The following CACNA1C variants were observed in gnomAD, a reference collection of about 807,000 sequenced individuals.
The protein encoded by CACNA1C is voltage-dependent L-type calcium channel subunit alpha-1C.
In CACNA1C, 30 loss-of-function variants were observed where a neutral mutation model predicts 229.0. That is an observed-to-expected ratio of 0.13 (90% CI 0.10 to 0.18). CACNA1C has a LOEUF of 0.18. Ranked by LOEUF, CACNA1C falls within the 10% of genes least tolerant of loss-of-function variation. The pLI, the probability that CACNA1C is intolerant of heterozygous loss-of-function variation, is 1.00. For synonymous variants in CACNA1C, 1,114 were observed against 1,132.5 expected (o/e 0.98, Z 0.33); for missense variants, 1,658 against 2,845.0 (o/e 0.58, Z 9.49).
At chr12:2,041,554 G>T (rs146923810) in intron 1 of CACNA1C, among the ~76,000 whole-genome samples, 3 of 152,106 alleles carry the variant, frequency 2.0e-5, no homozygotes, top group African/African-American at 7.2e-5. Context: ...GGGATTACAG[G>T]CATGAGCCAC....
rs1051078449 is a variant in CACNA1C, at chr12:2,034,380, C to G, written c.139+63179C>G. Among the ~76,000 whole-genome samples the G allele has an allele frequency of 1.3e-5, 2 of 152,186 alleles. No individual in the cohort carries two copies. Among genetic ancestry groups the G allele is most frequent in the African/African-American group, 2.4e-5 (1 of 41,442 alleles). ...AACTACAGGGAAGATGTCAGAGGAACGAGATTCCACGCAACCTGATAAAGA... is the reference window on the plus strand; with the variant it reads ...AACTACAGGGAAGATGTCAGAGGAAGGAGATTCCACGCAACCTGATAAAGA... On this transcript the variant is annotated intron_variant, in intron 1 of 46. Transcript: ENST00000682462. The surrounding 1 kb of genome is among the most constrained non-coding windows in gnomAD (Gnocchi z 4.1).
intron 3 of CACNA1C, among the ~76,000 whole-genome samples, chr12:2,154,302 A>T (rs1311599007): frequency 6.6e-6 from 1 of 152,188 alleles, no homozygotes; most frequent in Non-Finnish European, 1.5e-5. Flanking sequence ...GTACACTTGG[A>T]AAGGCAATCA....
In CACNA1C at chr12:2,679,056, G is replaced by A. The variant is rs528580319; in HGVS notation, c.5092-388G>A. 2.4e-4 allele frequency among the ~76,000 whole-genome samples: 36 copies of A among 152,260 alleles called. No individual in the cohort carries two copies. Among genetic ancestry groups the A allele is most frequent in the Non-Finnish European group, 2.9e-4 (20 of 67,994 alleles). ...TCGCTCTCCCAGCCCCCGCCCTCACGGTGTGCTGGCTGCTCTTAGGGACCA... is the reference window on the plus strand; with the variant it reads ...TCGCTCTCCCAGCCCCCGCCCTCACAGTGTGCTGGCTGCTCTTAGGGACCA... On this transcript the variant is annotated intron_variant, in intron 41 of 46. Coordinates refer to ENST00000399655, the MANE Select transcript of CACNA1C (RefSeq NM_000719.7). This position sits in a 1 kb window ranked among gnomAD's most constrained non-coding sequence, Gnocchi z 5.5.
At chr12:2,052,063 G>C (rs760704512), upstream of CACNA1C, among the ~76,000 whole-genome samples, 1 of 152,202 alleles carries the variant, frequency 6.6e-6, no homozygotes, top group Non-Finnish European at 1.5e-5. Context: ...GGTCCTGCAG[G>C]GGGTGCCGTG....
Position 2,215,274 on chromosome 12 carries a change from C to A in CACNA1C, c.477+94844C>A, listed in dbSNP as rs1304250101. Among the ~76,000 whole-genome samples, 1 of 152,178 alleles carries A rather than the reference C, an allele frequency of 6.6e-6. No individual in the cohort carries two copies. On this transcript the variant is annotated intron_variant, in intron 3 of 46. Transcript: ENST00000399655. This position sits in a 1 kb window ranked among gnomAD's most constrained non-coding sequence, Gnocchi z 5.0. The stretch of plus-strand genomic sequence containing the variant: ...GTCTTCATTTTCCTTGTCCTTTGCA[C>A]TTCCTCATCATTCCCTTTCTGCGAG...
intron 38 of CACNA1C, among the ~76,000 whole-genome samples, chr12:2,673,703 G>A (rs71458007): frequency 8.6e-4 from 131 of 152,106 alleles, no homozygotes; most frequent in Non-Finnish European, 1.7e-3. Context: ...TGCTCCTAGA[G>A]GCTGCCTCTC....
At chr12:2,047,299 A>G (rs1011220953) in intron 1 of CACNA1C, among the ~76,000 whole-genome samples, 1 of 152,278 alleles carries the variant, frequency 6.6e-6, no homozygotes, top group Non-Finnish European at 1.5e-5. Flanking sequence ...GTGAAGGATG[A>G]TAACAGCTAA....
At chr12:2,311,460 T>G (rs2095432844) in intron 3 of CACNA1C, among the ~76,000 whole-genome samples, 1 of 152,180 alleles carries the variant, frequency 6.6e-6, no homozygotes, top group Admixed American at 6.5e-5. Flanking sequence ...TGATTTTCAC[T>G]TTCTCCCTTT....
intron 9 of CACNA1C, among the ~76,000 whole-genome samples, chr12:2,519,178 C>A (rs1021898995): frequency 1.3e-5 from 2 of 152,254 alleles, no homozygotes; most frequent in African/African-American, 2.4e-5. Flanking sequence ...TTTACACTTG[C>A]TTGCTGGGCT....
At chr12:2,274,876 A>C (rs76777168) in intron 3 of CACNA1C, among the ~76,000 whole-genome samples, 8,338 of 152,224 alleles carry the variant, frequency 0.055, 286 homozygotes, top group African/African-American at 0.084. Context: ...CTGGGATGAG[A>C]CAGTGTCTTC....
chr12:2,526,410 C>T (rs11062254), intron 9 of CACNA1C, among the ~76,000 whole-genome samples: 5,584 of 152,306 alleles, frequency 0.037, 353 homozygotes, highest in African/African-American at 0.13. Context: ...GAGATATGAG[C>T]AGGTTTCAAC....
chr12:2,023,209 C>A (rs1282169151), intron 1 of CACNA1C, among the ~76,000 whole-genome samples: 2 of 152,148 alleles, frequency 1.3e-5, no homozygotes, highest in African/African-American at 4.8e-5. Context: ...TCTGTAGGTT[C>A]ATATGTTGGA....
intron 1 of CACNA1C, chr12:2,019,835 GGTTTAT>G: frequency 6.6e-6 from 1 of 152,222 alleles, no homozygotes; most frequent in Middle Eastern, 3.4e-3. Context: ...AGTGGTAGAT[GGTTTAT>G]GTTTCTGTTT....
At chr12:2,109,585 A>G (rs1008153872) in intron 1 of CACNA1C, among the ~76,000 whole-genome samples, 1 of 152,172 alleles carries the variant, frequency 6.6e-6, no homozygotes, top group Non-Finnish European at 1.5e-5. Context: ...AGGTGTTGTA[A>G]GCTGTTGACA....
chr12:2,446,259 C>T (rs2099278089), intron 3 of CACNA1C, among the ~76,000 whole-genome samples: 1 of 115,888 alleles, frequency 8.6e-6, no homozygotes, highest in African/African-American at 3.5e-5. Flanking sequence ...AGATGGATAG[C>T]TGAATAAATG....
At chr12:2,134,084 C>G (rs2092844576) in intron 3 of CACNA1C, among the ~76,000 whole-genome samples, 1 of 19,110 alleles carries the variant, frequency 5.2e-5, no homozygotes, top group Non-Finnish European at 1.0e-4. Context: ...CTCTTTTGAT[C>G]TTTGTTGGTT....
At chr12:2,370,446 A>C (rs1434691011) in intron 3 of CACNA1C, among the ~76,000 whole-genome samples, 1 of 152,222 alleles carries the variant, frequency 6.6e-6, no homozygotes, top group Non-Finnish European at 1.5e-5. Flanking sequence ...AGAGGAGAGA[A>C]CCTAACATCA....
At chr12:2,508,185 G>A (rs1341399049) in intron 8 of CACNA1C, among the ~76,000 whole-genome samples, 1 of 152,240 alleles carries the variant, frequency 6.6e-6, no homozygotes, top group Non-Finnish European at 1.5e-5. Flanking sequence ...TGGGAGAAGT[G>A]GGTGTGAAAC....
intron 8 of CACNA1C, among the ~76,000 whole-genome samples, chr12:2,506,415 T>C (rs1409218950): frequency 2.6e-5 from 4 of 152,218 alleles, no homozygotes; most frequent in Non-Finnish European, 5.9e-5. Context: ...TGGTTTCACC[T>C]TTTTAAATCT....
Sources: gnomAD v4.1 joint callset for allele counts (sites outside exome capture counted in the v4.1 genomes callset) on GRCh38, gnomAD v4.1.1 for gene constraint, Gnocchi (gnomAD v3.1) non-coding constraint, MANE v1.5 for transcripts, NCBI Gene and HGNC (gene_info 2026-07-23, HGNC 2026-07-21) for gene names.